Variants in MYRFL observed in about 807,000 individuals in gnomAD.
MYRFL encodes myelin regulatory factor-like protein.
MYRFL carries 88 observed loss-of-function variants against 109.4 expected under a neutral mutation model. That is an observed-to-expected ratio of 0.80 (90% CI 0.68 to 0.96). MYRFL has a LOEUF of 0.96. MYRFL is among the 40% of genes least tolerant of loss of function. The probability of loss-of-function intolerance (pLI) is 0.00; values close to 1 mark genes in which losing one functional copy is unlikely to be tolerated. For missense variants in MYRFL, 957 were observed against 954.9 expected (o/e 1.00, Z -0.03); for synonymous variants, 324 against 320.9 (o/e 1.01, Z -0.10).
chr12:69,888,676 A>C (rs1184728075), intron 6 of MYRFL, among the ~76,000 whole-genome samples: 1 of 152,152 alleles, frequency 6.6e-6, no homozygotes, highest in East Asian at 1.9e-4. Flanking sequence ...TTTCAGCCTA[A>C]CGCTCATATC....
intron 6 of MYRFL, among the ~76,000 whole-genome samples, chr12:69,888,917 G>A (rs1886620419): frequency 6.6e-6 from 1 of 152,138 alleles, no homozygotes; most frequent in South Asian, 2.1e-4. Context: ...TCTTCATTCA[G>A]TGGATTTTCT....
At position 69,904,150 on chromosome 12, in the gene MYRFL, G is replaced by T. The variant is rs1207324357; in HGVS notation, c.1383+306G>T. On this transcript the variant is annotated intron_variant, in intron 11 of 24. Transcript: ENST00000552032. ...GCCATTGCCCTTCCTTCCATACTTT[G>T]TCAGCTTCCAGAGCTTGCCTTTTCC... 5.3e-5 allele frequency: 14 copies of T among 263,538 alleles called. No homozygotes were observed. The East Asian group carries it at 1.0e-3, about 19-fold the overall frequency. The allele number at this position is 263,538 out of a possible 1,614,324, so 16.3% of individuals were successfully genotyped here.
intron 2 of MYRFL, among the ~76,000 whole-genome samples, chr12:69,873,392 C>T (rs1053910806): frequency 2.6e-5 from 4 of 152,268 alleles, no homozygotes; most frequent in South Asian, 2.1e-4. Context: ...TCTCAGCACA[C>T]GATTTTTTTT....
At position 69,895,360 on chromosome 12, in the gene MYRFL, G is replaced by GTTT; in HGVS notation, c.981-10_981-8dup. On this transcript the variant is annotated splice_polypyrimidine_tract_variant and intron_variant, in intron 8 of 24. Transcript: ENST00000552032. ...AGTCTCTTGGTTTTTTTTTTTTGCTGTTTGTTTTAGAATTGACCTACTGGC... is the reference window on the plus strand; with the variant it reads ...AGTCTCTTGGTTTTTTTTTTTTGCTGTTTTTTGTTTTAGAATTGACCTACTGGC... 1 of 1,485,218 alleles carries GTTT rather than the reference G, an allele frequency of 6.7e-7. No homozygotes were observed. The highest frequency in any genetic ancestry group is 9.0e-7 in the Non-Finnish European group (1 of 1,117,186). The allele number at this position is 1,485,218 out of a possible 1,614,324, so 92.0% of individuals were successfully genotyped here.
At chr12:69,869,998 C>G (rs1885247932) in intron 2 of MYRFL, among the ~76,000 whole-genome samples, 1 of 151,948 alleles carries the variant, frequency 6.6e-6, no homozygotes, top group Non-Finnish European at 1.5e-5. Context: ...TCCGTTCATC[C>G]TCCAAAAGAC....
At chr12:69,891,299 C>CT in intron 7 of MYRFL, 133 bp downstream of exon 7, 1 of 655,558 alleles carries the variant, frequency 1.5e-6, no homozygotes, top group Non-Finnish European at 2.3e-6. Flanking sequence ...AAATCTGCAA[C>CT]TGGGTCAGCG....
At chr12:69,938,173 A>G (rs960094055) in intron 19 of MYRFL, among the ~76,000 whole-genome samples, 11 of 152,240 alleles carry the variant, frequency 7.2e-5, no homozygotes, top group African/African-American at 2.7e-4. Flanking sequence ...ATATTTTTAA[A>G]TATGAAAAAA....
intron 1 of MYRFL, among the ~76,000 whole-genome samples, chr12:69,837,045 A>G (rs533817840): frequency 6.6e-6 from 1 of 152,100 alleles, no homozygotes; most frequent in Non-Finnish European, 1.5e-5. Flanking sequence ...ACACATTTAA[A>G]AAAAAAAATT....
intron 1 of MYRFL, among the ~76,000 whole-genome samples, chr12:69,830,274 G>A (rs907910564): frequency 4.0e-5 from 6 of 151,032 alleles, no homozygotes; most frequent in African/African-American, 1.5e-4. Context: ...CATAGATATA[G>A]ATATCTATAT....
intron 10 of MYRFL, among the ~76,000 whole-genome samples, chr12:69,901,837 C>T (rs1381957231): frequency 6.6e-6 from 1 of 151,956 alleles, no homozygotes; most frequent in Admixed American, 6.6e-5. Context: ...TATACTCTTC[C>T]CCCACTCCCC....
rs147828825 is a variant in MYRFL at position 69,953,706 on chromosome 12, G to T, written c.2375+820G>T. Among the ~76,000 whole-genome samples the T allele has an allele frequency of 2.0e-5, 3 of 152,026 alleles. No individual in the cohort carries two copies. The East Asian group carries it at 5.8e-4, about 29-fold the overall frequency. ...CTTTTGAGCCCAGGAGGTCGAGGCT[G>T]CAGTAAGCTGTGTGTTTGCACCACT... is the stretch of plus-strand genomic sequence containing the variant. On this transcript the variant is annotated intron_variant, in intron 21 of 24. Transcript: ENST00000552032.
Position 69,953,764 on chromosome 12 carries a change from GACACAC to G in MYRFL, c.2375+907_2375+912del, listed in dbSNP as rs143170206. Among the ~76,000 whole-genome samples the G allele has an allele frequency of 4.2e-3, 603 of 144,280 alleles. 4 individuals are homozygous for G. The highest frequency in any genetic ancestry group is 0.01 in the Middle Eastern group (3 of 288). 94.7% of individuals were successfully genotyped at this position (144,280 alleles called of 152,430 possible). ...AGCCTGGATGACAAAGTGCAACCCG[GACACAC>G]ACACACACACACACACACACACACA... is the stretch of plus-strand genomic sequence containing the variant. On this transcript the variant is annotated intron_variant, in intron 21 of 24. Coordinates refer to ENST00000552032, the MANE Select transcript of MYRFL (RefSeq NM_182530.3).
At chr12:69,845,423 A>C (rs541555220) in intron 1 of MYRFL, among the ~76,000 whole-genome samples, 1 of 152,358 alleles carries the variant, frequency 6.6e-6, no homozygotes, top group Non-Finnish European at 1.5e-5. Context: ...CAACTCCACT[A>C]TGAGGTCATT....
rs117324269 is a variant in MYRFL, at chr12:69,849,836, C to A, written c.47-5444C>A. 4.7e-3 allele frequency among the ~76,000 whole-genome samples: 714 copies of A among 152,248 alleles called. 4 individuals carry two copies. Among genetic ancestry groups the A allele is most frequent in the Non-Finnish European group, 8.1e-3 (552 of 68,026 alleles). On this transcript the variant is annotated intron_variant, in intron 1 of 24. Transcript: ENST00000552032. ...AAATAATGATCAATTGCCCTCAATC[C>A]TATAATCTAACCAGTGTTAATGGTG...
At chr12:69,890,907 T>C in intron 6 of MYRFL, 64 bp from the exon 7 acceptor site, 2 of 1,272,500 alleles carry the variant, frequency 1.6e-6, no homozygotes, top group Non-Finnish European at 1.0e-6. Flanking sequence ...CAACTAATAC[T>C]GTTAATGAAA....
At chr12:69,918,519 G>A (rs767470432) in intron 13 of MYRFL, among the ~76,000 whole-genome samples, 2 of 152,082 alleles carry the variant, frequency 1.3e-5, no homozygotes, top group Admixed American at 1.3e-4. Context: ...TGGGGTGCAG[G>A]ATACACACAG....
intron 16 of MYRFL, among the ~76,000 whole-genome samples, chr12:69,933,291 C>G (rs1955328099): frequency 1.3e-5 from 2 of 151,930 alleles, no homozygotes; most frequent in South Asian, 4.1e-4. Context: ...TTCCCCTCCC[C>G]CACCACACTG....
At chr12:69,828,730 A>G (rs1228630449) in intron 1 of MYRFL, among the ~76,000 whole-genome samples, 1 of 152,138 alleles carries the variant, frequency 6.6e-6, no homozygotes, top group African/African-American at 2.4e-5. Context: ...AAGGAATTAA[A>G]AGATGAAGTA....
intron 1 of MYRFL, among the ~76,000 whole-genome samples, chr12:69,841,879 C>T (rs1377606960): frequency 6.6e-6 from 1 of 152,160 alleles, no homozygotes; most frequent in Non-Finnish European, 1.5e-5. Flanking sequence ...TGAGCTGGGA[C>T]CTATGCTAAG....
Sources: allele counts gnomAD v4.1 joint callset (sites outside exome capture counted in the v4.1 genomes callset), GRCh38; gene constraint gnomAD v4.1.1; transcripts MANE v1.5; gene names NCBI Gene and HGNC (gene_info 2026-07-23, HGNC 2026-07-21).